The following SPECC1 variants were observed in gnomAD, a reference collection of about 807,000 sequenced individuals.
SPECC1 encodes sperm antigen with calponin homology and coiled-coil domains 1, also known as cytospin-B.
SPECC1 carries 62 observed loss-of-function variants against 104.1 expected under a neutral mutation model. The ratio of observed to expected loss-of-function variants is 0.60; its 90% CI spans 0.49 to 0.74. The LOEUF (loss-of-function observed/expected upper bound fraction) is 0.74. Among genes scored for constraint, SPECC1 ranks in the 30% least tolerant of loss-of-function variants. The pLI, the probability that SPECC1 is intolerant of heterozygous loss-of-function variation, is 0.00. For missense variants in SPECC1, 1,306 were observed against 1,310.5 expected (o/e 1.00, Z 0.05); for synonymous variants, 513 against 501.6 (o/e 1.02, Z -0.30).
intron 3 of SPECC1, among the ~76,000 whole-genome samples, chr17:20,138,194 T>G (rs192419447): frequency 1.3e-5 from 2 of 152,146 alleles, no homozygotes; most frequent in East Asian, 3.9e-4. Context: ...GAACTCATGT[T>G]CAATCAATGT....
chr17:20,041,384 A>G (rs937388462), intron 1 of SPECC1, among the ~76,000 whole-genome samples: 6 of 151,904 alleles, frequency 3.9e-5, no homozygotes, highest in Admixed American at 6.6e-5. Flanking sequence ...CTAGGATTAC[A>G]GGCATGTGCC....
chr17:20,059,137 G>A (rs991151570), intron 1 of SPECC1, among the ~76,000 whole-genome samples: 1 of 151,872 alleles, frequency 6.6e-6, no homozygotes. Context: ...ACCACGCCTG[G>A]CCTATTGTGC....
chr17:20,164,387 C>T (rs949002890), intron 3 of SPECC1, among the ~76,000 whole-genome samples: 2 of 151,790 alleles, frequency 1.3e-5, no homozygotes, highest in Non-Finnish European at 2.9e-5. Flanking sequence ...GGCTAGTCTC[C>T]AGCTCCTGGC....
chr17:20,126,603 A>T (rs945671551), intron 3 of SPECC1: 7 of 152,200 alleles, frequency 4.6e-5, no homozygotes, highest in African/African-American at 1.4e-4. Context: ...GTGTCTTCCA[A>T]GCAGACAGTC....
At chr17:20,204,160 T>G (rs1202064853) in intron 3 of SPECC1, among the ~76,000 whole-genome samples, 173 bp from the exon 4 acceptor site, 1 of 151,916 alleles carries the variant, frequency 6.6e-6, no homozygotes, top group East Asian at 1.9e-4. Context: ...TATAGGGCTG[T>G]GGGGAGGAAG....
chr17:20,270,087 G>A lies in SPECC1; in HGVS notation c.2940+9793G>A, dbSNP rs116844272. 3.0e-3 allele frequency among the ~76,000 whole-genome samples: 454 copies of A among 152,150 alleles called. 19 individuals are homozygous for A. In the East Asian group the frequency reaches 0.084, roughly 28 times the overall value. ...TCACAGAAACAGAAAGCAGATGAGCGGTTGCCAGAGGCTGAGGAGAGAGGG... is the reference window on the plus strand; with the variant it reads ...TCACAGAAACAGAAAGCAGATGAGCAGTTGCCAGAGGCTGAGGAGAGAGGG... On this transcript the variant is annotated intron_variant, in intron 12 of 14. Coordinates refer to ENST00000395527, the MANE Select transcript of SPECC1 (RefSeq NM_001243439.2).
rs575681447 is a variant in SPECC1, at chr17:20,021,300, C to CT, written c.-22+11877dup. Among the ~76,000 whole-genome samples, 86 of 152,136 alleles carry CT rather than the reference C, an allele frequency of 5.7e-4. No individual in the cohort carries two copies. In the East Asian group the frequency reaches 0.015, roughly 27 times the overall value. On this transcript the variant is annotated intron_variant, in intron 1 of 14. Coordinates refer to ENST00000395527, the MANE Select transcript of SPECC1 (RefSeq NM_001243439.2). ...CACGCGTATACTGCTTTGTGTGCATCTATTTTTAATTTACATGAATGGCAT... is the reference window on the plus strand; with the variant it reads ...CACGCGTATACTGCTTTGTGTGCATCTTATTTTTAATTTACATGAATGGCAT...
At chr17:20,170,080 T>C (rs997269055) in intron 3 of SPECC1, among the ~76,000 whole-genome samples, 3 of 152,238 alleles carry the variant, frequency 2.0e-5, no homozygotes, top group Non-Finnish European at 4.4e-5. Context: ...ACCCAGCCTC[T>C]GCTGTTCCAT....
At chr17:20,154,875 A>T (rs886957469) in intron 3 of SPECC1, among the ~76,000 whole-genome samples, 2 of 152,104 alleles carry the variant, frequency 1.3e-5, no homozygotes, top group South Asian at 4.1e-4. Flanking sequence ...TTGTTGAGGG[A>T]CGAGATGTGG....
At chr17:20,099,718 A>C (rs1322720215) in intron 2 of SPECC1, among the ~76,000 whole-genome samples, 2 of 147,936 alleles carry the variant, frequency 1.4e-5, no homozygotes, top group African/African-American at 2.5e-5. Flanking sequence ...AAAAAAAAAA[A>C]AACCCACAAA....
At chr17:20,032,193 A>G (rs1189268115) in intron 1 of SPECC1, among the ~76,000 whole-genome samples, 1 of 152,054 alleles carries the variant, frequency 6.6e-6, no homozygotes, top group Non-Finnish European at 1.5e-5. Flanking sequence ...GCTGCTTTCA[A>G]TATTTTCTCT....
intron 3 of SPECC1, among the ~76,000 whole-genome samples, chr17:20,138,290 A>G (rs967516387): frequency 5.3e-5 from 8 of 151,980 alleles, no homozygotes; most frequent in African/African-American, 1.9e-4. Context: ...TGGAGTTTCC[A>G]TACACCCTCT....
At position 20,223,793 on chromosome 17, in the gene SPECC1, G is replaced by A. The variant is rs1488360747; in HGVS notation, c.1864-3620G>A. On this transcript the variant is annotated intron_variant, in intron 4 of 14. Coordinates refer to ENST00000395527, the MANE Select transcript of SPECC1 (RefSeq NM_001243439.2). Reference sequence around the variant, plus strand: ...TCAAAACAGCTATTTTGAATTTTCTGTCTGAAAGATCACATCTCTGTCACT... The same window carrying A: ...TCAAAACAGCTATTTTGAATTTTCTATCTGAAAGATCACATCTCTGTCACT... Among the ~76,000 whole-genome samples, 44 of 152,014 alleles carry A rather than the reference G, an allele frequency of 2.9e-4. 1 individual carries two copies. Among genetic ancestry groups the A allele is most frequent in the Non-Finnish European group, 2.4e-4 (16 of 68,010 alleles).
chr17:20,011,144 C>T (rs2043928192), intron 1 of SPECC1, among the ~76,000 whole-genome samples: 1 of 152,172 alleles, frequency 6.6e-6, no homozygotes, highest in South Asian at 2.1e-4. Context: ...AGGCTGTCCT[C>T]TCTGATTAAA....
At chr17:20,115,559 A>G (rs1471893667) in intron 3 of SPECC1, among the ~76,000 whole-genome samples, 1 of 152,174 alleles carries the variant, frequency 6.6e-6, no homozygotes, top group Non-Finnish European at 1.5e-5. Context: ...TTAAAAGAAC[A>G]GTAGTGTACA....
At chr17:20,232,973 T>TG (rs2151483562) in intron 7 of SPECC1, among the ~76,000 whole-genome samples, 1 of 152,318 alleles carries the variant, frequency 6.6e-6, no homozygotes, top group Admixed American at 6.5e-5. Flanking sequence ...CTGCTCTTGA[T>TG]GGGGAGAAGC....
intron 12 of SPECC1, among the ~76,000 whole-genome samples, chr17:20,273,547 T>C (rs2040479195): frequency 6.6e-6 from 1 of 152,086 alleles, no homozygotes; most frequent in Non-Finnish European, 1.5e-5. Context: ...TCCCTTGTTT[T>C]CACTGCATCA....
At chr17:20,242,790 G>T (rs2039262037) in intron 7 of SPECC1, among the ~76,000 whole-genome samples, 1 of 152,100 alleles carries the variant, frequency 6.6e-6, no homozygotes, top group Non-Finnish European at 1.5e-5. Context: ...TAAAATAAGG[G>T]ATAATAATAT....
chr17:20,028,055 C>A (rs894354157), intron 1 of SPECC1, among the ~76,000 whole-genome samples: 1 of 152,102 alleles, frequency 6.6e-6, no homozygotes, highest in Non-Finnish European at 1.5e-5. Flanking sequence ...GTAACTCTTA[C>A]GTTTAAGTCA....
Sources: allele counts gnomAD v4.1 joint callset (sites outside exome capture counted in the v4.1 genomes callset), GRCh38; gene constraint gnomAD v4.1.1; transcripts MANE v1.5; gene names NCBI Gene and HGNC (gene_info 2026-07-23, HGNC 2026-07-21).